The following PCDH15 variants were observed in gnomAD, a reference collection of about 807,000 sequenced individuals.
PCDH15 encodes the protein protocadherin related 15.
Under a neutral mutation model 178.5 loss-of-function variants are expected in PCDH15, and 129 were observed. The ratio of observed to expected loss-of-function variants is 0.72; its 90% CI spans 0.63 to 0.84. The LOEUF (loss-of-function observed/expected upper bound fraction) is 0.84. PCDH15 is among the 40% of genes least tolerant of loss of function. The pLI is 0.00. For synonymous variants in PCDH15, 800 were observed against 732.0 expected (o/e 1.09, Z -1.50); for missense variants, 2,230 against 2,099.9 (o/e 1.06, Z -1.21).
chr10:54,473,851 A>G (rs1380618172), intron 3 of PCDH15, among the ~76,000 whole-genome samples: 4 of 151,852 alleles, frequency 2.6e-5, no homozygotes, highest in Admixed American at 1.3e-4. Flanking sequence ...TTCTATATAC[A>G]TGAAGGTGAT....
intron 1 of PCDH15, among the ~76,000 whole-genome samples, chr10:55,257,444 G>A (rs543854073): frequency 8.5e-5 from 13 of 152,136 alleles, no homozygotes; most frequent in African/African-American, 1.2e-4. Flanking sequence ...GAGGAAGTTC[G>A]AACCCATGGC....
chr10:55,511,333 T>C (rs1001964129), intron 2 of PCDH15, among the ~76,000 whole-genome samples: 1 of 152,062 alleles, frequency 6.6e-6, no homozygotes, highest in Admixed American at 6.6e-5. Flanking sequence ...CTGATTACCT[T>C]GTATGTGCAA....
At chr10:54,860,290 G>T (rs918901166) in intron 3 of PCDH15, among the ~76,000 whole-genome samples, 4 of 151,922 alleles carry the variant, frequency 2.6e-5, no homozygotes, top group African/African-American at 9.7e-5. Flanking sequence ...TTCAGCCCTT[G>T]CCCCTTCCCC....
intron 26 of PCDH15, among the ~76,000 whole-genome samples, chr10:53,900,538 C>T (rs2082268206): frequency 6.6e-6 from 1 of 152,110 alleles, no homozygotes; most frequent in Non-Finnish European, 1.5e-5. Flanking sequence ...CAGTTTCTCA[C>T]CTGACTTTTA....
At chr10:55,139,005 A>G (rs1448373138) in intron 2 of PCDH15, among the ~76,000 whole-genome samples, 1 of 152,008 alleles carries the variant, frequency 6.6e-6, no homozygotes, top group Non-Finnish European at 1.5e-5. Flanking sequence ...TTGTATATTC[A>G]TTTAGCCATA....
chr10:55,603,379 AG>A (rs1843132245), intron 2 of PCDH15, among the ~76,000 whole-genome samples: 1 of 151,322 alleles, frequency 6.6e-6, no homozygotes, highest in Admixed American at 6.6e-5. Flanking sequence ...GTTCAGATTC[AG>A]GAAATACAGA....
chr10:55,533,900 C>T (rs1841512800), intron 2 of PCDH15, among the ~76,000 whole-genome samples: 1 of 151,922 alleles, frequency 6.6e-6, no homozygotes, highest in Non-Finnish European at 1.5e-5. Flanking sequence ...ACCAGTGGAA[C>T]CGAATAGAAA....
intron 3 of PCDH15, among the ~76,000 whole-genome samples, chr10:54,881,525 A>T (rs868630216): frequency 3.9e-5 from 6 of 152,214 alleles, no homozygotes; most frequent in Admixed American, 1.3e-4. Context: ...GATTTAACAA[A>T]AAGACCTTTT....
At chr10:55,486,097 C>T (rs142596928) in intron 2 of PCDH15, among the ~76,000 whole-genome samples, 4 of 151,758 alleles carry the variant, frequency 2.6e-5, no homozygotes, top group Non-Finnish European at 5.9e-5. Context: ...TCTAGTTATG[C>T]CCCATTTATT....
intron 1 of PCDH15, among the ~76,000 whole-genome samples, chr10:54,797,673 T>A (rs1952180683): frequency 6.6e-6 from 1 of 152,064 alleles, no homozygotes; most frequent in Admixed American, 6.6e-5. Context: ...ATTTTAAATG[T>A]GGACACTGAG....
At chr10:54,706,489 G>A (rs1010284098) in intron 1 of PCDH15, among the ~76,000 whole-genome samples, 3 of 152,068 alleles carry the variant, frequency 2.0e-5, no homozygotes, top group Non-Finnish European at 2.9e-5. Context: ...TCCTTAGATG[G>A]TATGGGATAG....
intron 1 of PCDH15, among the ~76,000 whole-genome samples, chr10:54,736,503 T>G (rs562562563): frequency 6.7e-6 from 1 of 148,562 alleles, no homozygotes; most frequent in African/African-American, 2.5e-5. Flanking sequence ...TTGTTGTACT[T>G]ATCTTCTTTC....
In PCDH15 at chr10:55,565,063, T is replaced by C. The variant is rs186884276; in HGVS notation, c.-156+62562A>G. Among the ~76,000 whole-genome samples the C allele has an allele frequency of 2.0e-4, 31 of 151,838 alleles. 1 individual carries two copies. The highest frequency in any genetic ancestry group is 4.1e-4 in the South Asian group (2 of 4,822). On this transcript the variant is annotated intron_variant, in intron 2 of 5. Coordinates refer to the PCDH15 transcript ENST00000613346. ...CAACAGAATATGCATTCTTCTCAAG[T>C]GCACATGGAATGTTTTCCAGGACGG...
At chr10:54,190,226 A>T (rs1178418178) in intron 11 of PCDH15, among the ~76,000 whole-genome samples, 2 of 152,140 alleles carry the variant, frequency 1.3e-5, no homozygotes, top group African/African-American at 4.8e-5. Flanking sequence ...CATCTGGAAT[A>T]GCTATGCTTG....
At chr10:55,415,278 T>G (rs2132039053) in intron 2 of PCDH15, among the ~76,000 whole-genome samples, 1 of 151,810 alleles carries the variant, frequency 6.6e-6, no homozygotes, top group South Asian at 2.1e-4. Context: ...CAATATGTTC[T>G]TTATATTTCA....
intron 26 of PCDH15, among the ~76,000 whole-genome samples, chr10:53,876,322 G>C (rs1333049641): frequency 6.6e-6 from 1 of 151,832 alleles, no homozygotes; most frequent in Non-Finnish European, 1.5e-5. Context: ...TGAGTAGCTG[G>C]GACTACGGGC....
intron 3 of PCDH15, among the ~76,000 whole-genome samples, chr10:54,450,449 G>A (rs374841371): frequency 7.3e-5 from 11 of 150,534 alleles, no homozygotes; most frequent in Admixed American, 4.7e-4. Flanking sequence ...TTCCAAATAC[G>A]GTTTGTCATT....
At chr10:54,880,771 G>A (rs1231630257) in intron 3 of PCDH15, among the ~76,000 whole-genome samples, 1 of 148,374 alleles carries the variant, frequency 6.7e-6, no homozygotes, top group Non-Finnish European at 1.5e-5. Flanking sequence ...TGAGAGAAGT[G>A]CATACTAGAT....
intron 4 of PCDH15, among the ~76,000 whole-genome samples, chr10:54,373,780 T>A (rs1044503178): frequency 6.6e-6 from 1 of 151,996 alleles, no homozygotes; most frequent in Non-Finnish European, 1.5e-5. Flanking sequence ...AGGAATTGCA[T>A]ACCAGTGTTA....
Sources: allele counts gnomAD v4.1 joint callset (sites outside exome capture counted in the v4.1 genomes callset), GRCh38; gene constraint gnomAD v4.1.1; transcripts MANE v1.5; gene names NCBI Gene and HGNC (gene_info 2026-07-23, HGNC 2026-07-21).